Variants in SNTG2 observed in about 807,000 individuals in gnomAD.
SNTG2 encodes syntrophin gamma 2, also known as gamma-2-syntrophin.
Under a neutral mutation model 70.9 loss-of-function variants are expected in SNTG2, and 74 were observed. The ratio of observed to expected loss-of-function variants is 1.04; its 90% CI spans 0.86 to 1.27. The LOEUF is 1.27. Ranked by LOEUF, SNTG2 falls within the 50% of genes most tolerant of loss-of-function variation. The pLI, the probability that SNTG2 is intolerant of heterozygous loss-of-function variation, is 0.00. For missense variants in SNTG2, 717 were observed against 690.7 expected (o/e 1.04, Z -0.43); for synonymous variants, 278 against 273.8 (o/e 1.02, Z -0.15).
intron 16 of SNTG2, among the ~76,000 whole-genome samples, chr2:1,323,023 T>C (rs545178451): frequency 4.1e-4 from 62 of 152,210 alleles, no homozygotes; most frequent in Admixed American, 3.9e-4. Flanking sequence ...AAATTAGACA[T>C]GATCTACCCC....
chr2:1,352,163 C>T (rs1660613241), intron 16 of SNTG2, among the ~76,000 whole-genome samples: 1 of 152,200 alleles, frequency 6.6e-6, no homozygotes, highest in African/African-American at 2.4e-5. Context: ...ACACCATGCC[C>T]AACTGTAAAA....
intron 2 of SNTG2, among the ~76,000 whole-genome samples, chr2:1,093,344 C>G (rs1011893245): frequency 2.0e-5 from 3 of 152,042 alleles, no homozygotes; most frequent in Non-Finnish European, 4.4e-5. Flanking sequence ...TACCCAGAAC[C>G]TTAAATTAAA....
chr2:1,188,805 A>G (rs949212345), intron 8 of SNTG2, among the ~76,000 whole-genome samples: 4 of 152,174 alleles, frequency 2.6e-5, no homozygotes, highest in African/African-American at 9.7e-5. Context: ...TTGAACTGTA[A>G]TATTAACAAA....
chr2:1,165,775 C>T (rs1200709996), intron 7 of SNTG2, 140 bp downstream of exon 7: 19 of 707,462 alleles, frequency 2.7e-5, no homozygotes, highest in Non-Finnish European at 4.1e-5. Context: ...TATAGGCAGG[C>T]ACCGTGGCAT....
rs937666988 is a variant in SNTG2, at chr2:1,289,891, C to T, written c.1285-18603C>T. Reference sequence around the variant, plus strand: ...CGTATGAGCAGACTCGTGCAGTGTCCGTCTGTTTGTGCCTGACTTATTTAA... The same window carrying T: ...CGTATGAGCAGACTCGTGCAGTGTCTGTCTGTTTGTGCCTGACTTATTTAA... On this transcript the variant is annotated intron_variant, in intron 14 of 16. Coordinates refer to ENST00000308624, the MANE Select transcript of SNTG2 (RefSeq NM_018968.4). Among the ~76,000 whole-genome samples the T allele has an allele frequency of 2.0e-5, 3 of 152,140 alleles. No individual in the cohort carries two copies. In the East Asian group the frequency reaches 5.8e-4, roughly 29 times the overall value.
chr2:1,138,779 A>C (rs1487945075), intron 6 of SNTG2, among the ~76,000 whole-genome samples: 1 of 152,102 alleles, frequency 6.6e-6, no homozygotes, highest in Non-Finnish European at 1.5e-5. Flanking sequence ...ATAGGCATGC[A>C]CTCATTTCTT....
chr2:950,973 G>C lies in SNTG2; in HGVS notation c.-24G>C. On this transcript the variant is annotated 5_prime_UTR_variant, in exon 1 of 17. Transcript: ENST00000308624. Reference sequence around the variant, plus strand: ...GCGTTGAGCTCGGCCGGCCCGGAGCGCGGACCCAGCCGCAGGGGCGGCGAT... The same window carrying C: ...GCGTTGAGCTCGGCCGGCCCGGAGCCCGGACCCAGCCGCAGGGGCGGCGAT... 8.2e-7 allele frequency: 1 copy of C among 1,212,484 alleles called. No individual in the cohort carries two copies. Among genetic ancestry groups the C allele is most frequent in the Non-Finnish European group, 1.0e-6 (1 of 971,510 alleles). The allele number at this position is 1,212,484 out of a possible 1,614,324, so 75.1% of individuals were successfully genotyped here.
chr2:1,269,982 C>G (rs953961877), intron 14 of SNTG2, among the ~76,000 whole-genome samples: 1 of 152,080 alleles, frequency 6.6e-6, no homozygotes, highest in African/African-American at 2.4e-5. Context: ...CCATGCTGCC[C>G]ATGACTGACT....
intron 9 of SNTG2, 41 bp from the exon 10 acceptor site, chr2:1,237,847 C>G: frequency 6.4e-7 from 1 of 1,565,510 alleles, no homozygotes; most frequent in Non-Finnish European, 8.7e-7. Flanking sequence ...GGCCCGCTCC[C>G]GTCGCTGCGG....
At chr2:1,032,019 C>G (rs1337575596) in intron 1 of SNTG2, among the ~76,000 whole-genome samples, 1 of 151,902 alleles carries the variant, frequency 6.6e-6, no homozygotes, top group Non-Finnish European at 1.5e-5. Flanking sequence ...AAATGGTGGG[C>G]TGTATAGTAT....
At chr2:955,658 T>C (rs919338728) in intron 1 of SNTG2, among the ~76,000 whole-genome samples, 6 of 152,244 alleles carry the variant, frequency 3.9e-5, no homozygotes, top group Non-Finnish European at 8.8e-5. Flanking sequence ...TAAATTATTA[T>C]AGGTAAGGGC....
intron 8 of SNTG2, among the ~76,000 whole-genome samples, chr2:1,176,232 G>A (rs1324892352): frequency 4.6e-5 from 7 of 152,138 alleles, no homozygotes; most frequent in Non-Finnish European, 7.3e-5. Flanking sequence ...CTGAATTGCA[G>A]AGTTTAAAAA....
chr2:1,362,431 G>A (rs1352916993), intron 16 of SNTG2, among the ~76,000 whole-genome samples: 1 of 151,690 alleles, frequency 6.6e-6, no homozygotes, highest in African/African-American at 2.4e-5. Context: ...CTAACGCTGA[G>A]CATTTCAGTA....
At chr2:1,172,659 G>A (rs1013678362) in intron 7 of SNTG2, among the ~76,000 whole-genome samples, 2 of 152,242 alleles carry the variant, frequency 1.3e-5, no homozygotes, top group African/African-American at 4.8e-5. Context: ...TGTGCTAAGT[G>A]CTTTGAGTGT....
chr2:1,141,925 G>A (rs1385460549), intron 6 of SNTG2, among the ~76,000 whole-genome samples: 2 of 150,872 alleles, frequency 1.3e-5, no homozygotes, highest in East Asian at 2.0e-4. Context: ...GGGGCTCCAA[G>A]GACGTGGCAT....
At chr2:1,316,531 AC>A (rs1681286704) in intron 16 of SNTG2, among the ~76,000 whole-genome samples, 156 bp downstream of exon 16, 1 of 40,110 alleles carries the variant, frequency 2.5e-5, no homozygotes, top group Non-Finnish European at 6.3e-5. Context: ...GGCAATAAAT[AC>A]GCCGAAAGAG....
At chr2:1,340,877 C>G (rs1015644381) in intron 16 of SNTG2, among the ~76,000 whole-genome samples, 1 of 151,984 alleles carries the variant, frequency 6.6e-6, no homozygotes, top group Non-Finnish European at 1.5e-5. Flanking sequence ...ACAAAATATC[C>G]CCATTTTACA....
chr2:1,352,450 A>C (rs1660630476), intron 16 of SNTG2, among the ~76,000 whole-genome samples: 1 of 152,106 alleles, frequency 6.6e-6, no homozygotes, highest in Non-Finnish European at 1.5e-5. Context: ...GGGCCTGTGC[A>C]GGCCTCCTCC....
intron 1 of SNTG2, among the ~76,000 whole-genome samples, chr2:1,057,376 T>G (rs757021043): frequency 1.3e-5 from 2 of 152,050 alleles, no homozygotes; most frequent in African/African-American, 2.4e-5. Context: ...GATAGACACA[T>G]GCATGTAAAG....
Sources: gnomAD v4.1 joint callset for allele counts (sites outside exome capture counted in the v4.1 genomes callset) on GRCh38, gnomAD v4.1.1 for gene constraint, MANE v1.5 for transcripts, NCBI Gene and HGNC (gene_info 2026-07-23, HGNC 2026-07-21) for gene names.